XPR1: variants seen among roughly 807,000 people sequenced by gnomAD.
The protein encoded by XPR1 is solute carrier family 53 member 1.
XPR1 carries 28 observed loss-of-function variants against 87.5 expected under a neutral mutation model. That is an observed-to-expected ratio of 0.32 (90% CI 0.24 to 0.44). The LOEUF (loss-of-function observed/expected upper bound fraction) is 0.44, where lower values mean the gene tolerates loss of function less well. Ranked by LOEUF, XPR1 falls within the 20% of genes least tolerant of loss-of-function variation. The probability of loss-of-function intolerance (pLI) is 1.00; values close to 1 mark genes in which losing one functional copy is unlikely to be tolerated. For missense variants in XPR1, 559 were observed against 862.3 expected (o/e 0.65, Z 4.41); for synonymous variants, 300 against 306.1 (o/e 0.98, Z 0.21).
At chr1:180,814,853 G>T (rs1340004468) in intron 7 of XPR1, among the ~76,000 whole-genome samples, 1 of 152,132 alleles carries the variant, frequency 6.6e-6, no homozygotes, top group Non-Finnish European at 1.5e-5. Context: ...AAGCCATTTC[G>T]AGAGAAGGAG....
At chr1:180,879,936 T>G in intron 13 of XPR1, 140 bp from the exon 14 acceptor site, 4 of 840,660 alleles carry the variant, frequency 4.8e-6, no homozygotes, top group East Asian at 2.7e-5. Flanking sequence ...CGCAACACCA[T>G]CTTTCCCTAT....
intron 2 of XPR1, among the ~76,000 whole-genome samples, chr1:180,747,871 C>T (rs1647324268): frequency 6.6e-6 from 1 of 152,196 alleles, no homozygotes; most frequent in Admixed American, 6.5e-5. Flanking sequence ...AGCTCACCAA[C>T]TGAAACCATT....
At chr1:180,736,056 A>C (rs1266347618) in intron 2 of XPR1, among the ~76,000 whole-genome samples, 1 of 152,228 alleles carries the variant, frequency 6.6e-6, no homozygotes. Context: ...TAAATACATA[A>C]TTAGAAGTAT....
At chr1:180,659,628 CCTG>C (rs1655696397) in intron 1 of XPR1, among the ~76,000 whole-genome samples, 1 of 128,622 alleles carries the variant, frequency 7.8e-6, no homozygotes. Flanking sequence ...AAGCGATTCT[CCTG>C]CTTCAGCCTC....
intron 9 of XPR1, among the ~76,000 whole-genome samples, chr1:180,833,263 C>A (rs1203456805): frequency 6.6e-6 from 1 of 152,122 alleles, no homozygotes; most frequent in Non-Finnish European, 1.5e-5. Flanking sequence ...GAAGAAACTG[C>A]ATCAATTAAT....
intron 3 of XPR1, among the ~76,000 whole-genome samples, chr1:180,794,108 T>C (rs538045091): frequency 1.3e-5 from 2 of 152,316 alleles, no homozygotes; most frequent in South Asian, 2.1e-4. Flanking sequence ...AAATGCGTCA[T>C]GAGGTGATTT....
chr1:180,708,917 G>GGGGGGC (rs1657653864), intron 2 of XPR1, among the ~76,000 whole-genome samples: 1 of 114,146 alleles, frequency 8.8e-6, no homozygotes, highest in Non-Finnish European at 1.9e-5. Flanking sequence ...TTTGGGGGGG[G>GGGGGGC]GGGGGCGGGG....
intron 2 of XPR1, among the ~76,000 whole-genome samples, chr1:180,760,528 A>G (rs1428165942): frequency 4.6e-5 from 7 of 152,304 alleles, no homozygotes; most frequent in African/African-American, 1.7e-4. Flanking sequence ...CTTCAAAGAG[A>G]ATAAAATACC....
At chr1:180,663,328 G>A (rs956428461) in intron 1 of XPR1, among the ~76,000 whole-genome samples, 1 of 152,216 alleles carries the variant, frequency 6.6e-6, no homozygotes, top group African/African-American at 2.4e-5. Context: ...TTTAGTGACT[G>A]CATCTGTTAT....
chr1:180,889,606 A>C lies in XPR1; in HGVS notation c.*5540A>C, dbSNP rs1653122623. 6.6e-6 allele frequency: 1 copy of C among 152,252 alleles called. No individual in the cohort carries two copies. Among genetic ancestry groups the C allele is most frequent in the Admixed American group, 6.5e-5 (1 of 15,288 alleles). 9.4% of individuals were successfully genotyped at this position (152,252 alleles called of 1,614,324 possible). A position where few individuals can be genotyped will look rare whatever the true frequency, so the allele number is the denominator to read the frequency against. On this transcript the variant is annotated 3_prime_UTR_variant, in exon 15 of 15. Transcript: ENST00000367590. ...GGTCATTGTTCATGACGTTATTTTG[A>C]ATTGTAAAATTGTGAGCCACTCACA... is the stretch of plus-strand genomic sequence containing the variant.
At chr1:180,686,370 G>T (rs1656777057) in intron 2 of XPR1, among the ~76,000 whole-genome samples, 2 of 152,092 alleles carry the variant, frequency 1.3e-5, no homozygotes, top group South Asian at 4.1e-4. Flanking sequence ...TATAATTTCT[G>T]TTCTTTTACA....
chr1:180,775,490 A>G (rs984294872), intron 2 of XPR1, among the ~76,000 whole-genome samples: 1 of 152,194 alleles, frequency 6.6e-6, no homozygotes, highest in Non-Finnish European at 1.5e-5. Context: ...TTCATCTTGG[A>G]TTATCCTCAG....
chr1:180,834,010 A>G (rs538515742), intron 9 of XPR1, among the ~76,000 whole-genome samples: 2 of 152,314 alleles, frequency 1.3e-5, no homozygotes, highest in South Asian at 2.1e-4. Flanking sequence ...GAATACAAAT[A>G]TCAAGGAGTA....
At chr1:180,768,793 T>C (rs1378904481) in intron 2 of XPR1, among the ~76,000 whole-genome samples, 1 of 152,236 alleles carries the variant, frequency 6.6e-6, no homozygotes, top group Admixed American at 6.5e-5. Flanking sequence ...ATATCCTAAA[T>C]GTAGGTAGAA....
intron 6 of XPR1, among the ~76,000 whole-genome samples, chr1:180,809,714 C>T (rs1288820170): frequency 6.6e-6 from 1 of 152,032 alleles, no homozygotes; most frequent in Non-Finnish European, 1.5e-5. Flanking sequence ...ATAGGGAATT[C>T]AAAGTTAATG....
chr1:180,663,575 C>G (rs1655851567), intron 1 of XPR1, among the ~76,000 whole-genome samples: 1 of 152,204 alleles, frequency 6.6e-6, no homozygotes, highest in African/African-American at 2.4e-5. Context: ...TCACTGGGAC[C>G]ACACTGGGTC....
At chr1:180,671,693 T>G (rs1656183430) in intron 1 of XPR1, among the ~76,000 whole-genome samples, 1 of 152,170 alleles carries the variant, frequency 6.6e-6, no homozygotes, top group Non-Finnish European at 1.5e-5. Flanking sequence ...TTCTGTATTT[T>G]TAGTAGAGAC....
intron 2 of XPR1, among the ~76,000 whole-genome samples, chr1:180,780,354 G>A (rs780347937): frequency 1.2e-4 from 19 of 152,162 alleles, no homozygotes; most frequent in Non-Finnish European, 2.6e-4. Context: ...AGCTATTCTA[G>A]TGGGTATGAA....
intron 2 of XPR1, among the ~76,000 whole-genome samples, chr1:180,754,529 C>T (rs992630087): frequency 2.0e-5 from 3 of 152,066 alleles, no homozygotes; most frequent in Non-Finnish European, 2.9e-5. Flanking sequence ...GGTGCGATCT[C>T]ATCTCACTGC....
Sources: gnomAD v4.1 joint callset for allele counts (sites outside exome capture counted in the v4.1 genomes callset) on GRCh38, gnomAD v4.1.1 for gene constraint, MANE v1.5 for transcripts, NCBI Gene and HGNC (gene_info 2026-07-23, HGNC 2026-07-21) for gene names.